Variants in MOBP observed in about 807,000 individuals in gnomAD.
MOBP encodes the protein myelin associated oligodendrocyte basic protein.
A neutral mutation model predicts 15.0 loss-of-function variants in MOBP; 5 were observed. That is an observed-to-expected ratio of 0.33 (90% confidence interval 0.17 to 0.70). The LOEUF (loss-of-function observed/expected upper bound fraction) is 0.70. Ranked by LOEUF, MOBP falls within the 30% of genes least tolerant of loss-of-function variation. The pLI, the probability that MOBP is intolerant of heterozygous loss-of-function variation, is 0.67. For missense variants in MOBP, 188 were observed against 257.8 expected, an observed-to-expected ratio of 0.73 and a Z score of 1.85; for synonymous variants, 88 against 99.0, an observed-to-expected ratio of 0.89 and a Z score of 0.66.
intron 2 of MOBP, among the ~76,000 whole-genome samples, chr3:39,489,692 C>CCCA (rs556763584): frequency 0.012 from 1,861 of 151,554 alleles, 23 homozygotes; most frequent in Non-Finnish European, 0.02. Flanking sequence ...TTGTTCCCCG[C>CCCA]CCAGCTCCTG....
At chr3:39,474,243 A>G (rs1482740408) in intron 1 of MOBP, among the ~76,000 whole-genome samples, 1 of 152,224 alleles carries the variant, frequency 6.6e-6, no homozygotes, top group African/African-American at 2.4e-5. Context: ...CACTGACTCA[A>G]ATTACTCAAA....
intron 1 of MOBP, among the ~76,000 whole-genome samples, chr3:39,478,667 A>G (rs2042577293): frequency 6.6e-6 from 1 of 152,152 alleles, no homozygotes; most frequent in African/African-American, 2.4e-5. Flanking sequence ...GTGGGGTTTA[A>G]CTGCTTTGCT....
intron 2 of MOBP, among the ~76,000 whole-genome samples, chr3:39,482,189 AC>A (rs1350388401): frequency 6.6e-6 from 1 of 151,998 alleles, no homozygotes; most frequent in Non-Finnish European, 1.5e-5. Context: ...CCTTGGATAT[AC>A]CCTTGACTCC....
intron 1 of MOBP, among the ~76,000 whole-genome samples, chr3:39,471,751 A>C (rs1400829837): frequency 1.3e-5 from 2 of 152,138 alleles, no homozygotes; most frequent in African/African-American, 4.8e-5. Context: ...ACCTGCTACA[A>C]TGGCCCAGTG....
intron 2 of MOBP, among the ~76,000 whole-genome samples, chr3:39,496,190 C>A (rs1196261413): frequency 7.5e-6 from 1 of 133,294 alleles, no homozygotes; most frequent in Non-Finnish European, 1.5e-5. Context: ...TTTTCTTTTT[C>A]TTTTTTTTCT....
intron 2 of MOBP, among the ~76,000 whole-genome samples, chr3:39,488,493 T>C (rs1035801074): frequency 6.6e-6 from 1 of 152,294 alleles, no homozygotes; most frequent in African/African-American, 2.4e-5. Flanking sequence ...CATTGTTAGG[T>C]TTCTTTTCTT....
At chr3:39,513,236 A>ATTAAGAAATTAAAGAGAAATTAAT in intron 4 of MOBP, 2 of 604,424 alleles carry the variant, frequency 3.3e-6, no homozygotes, top group Non-Finnish European at 5.4e-6. Context: ...GACTACCAGA[A>ATTAAGAAATTAAAGAGAAATTAAT]TTAAGAAATT....
chr3:39,508,642 TGG>T (rs2043078974), intron 4 of MOBP, among the ~76,000 whole-genome samples: 1 of 151,772 alleles, frequency 6.6e-6, no homozygotes, highest in Non-Finnish European at 1.5e-5. Flanking sequence ...CTCTGCCTTC[TGG>T]GTTCAAGTGA....
Position 39,502,902 on chromosome 3 carries a change from C to A in MOBP, c.*22C>A. On this transcript the variant is annotated 3_prime_UTR_variant, in exon 4 of 4. Coordinates refer to ENST00000684792, the MANE Select transcript of MOBP (RefSeq NM_001393704.1). This position sits in a 1 kb window ranked among gnomAD's most constrained non-coding sequence, Gnocchi z 6.3. Reference sequence around the variant, plus strand: ...GTAACACCATCTCTTCCCTTTTGTTCCCCAGCCCTAAGGTTAGTAGTTGCT... The same window carrying A: ...GTAACACCATCTCTTCCCTTTTGTTACCCAGCCCTAAGGTTAGTAGTTGCT... 1.9e-6 allele frequency: 2 copies of A among 1,068,822 alleles called. No individual in the cohort carries two copies. The highest frequency in any genetic ancestry group is 1.3e-6 in the Non-Finnish European group (1 of 755,802). The allele number at this position is 1,068,822 out of a possible 1,614,324, so 66.2% of individuals were successfully genotyped here.
At chr3:39,504,365 C>T (rs1380277254), downstream of MOBP, among the ~76,000 whole-genome samples, 1 of 152,192 alleles carries the variant, frequency 6.6e-6, no homozygotes, top group African/African-American at 2.4e-5. Flanking sequence ...GGCTGGAGTT[C>T]AATCAGGACA....
At chr3:39,514,162 A>C (rs754077799) in exon 5 of MOBP, 1 of 152,262 alleles carries the variant, frequency 6.6e-6, no homozygotes, top group East Asian at 1.9e-4. Flanking sequence ...CCAACCTTAC[A>C]TGAGGCTTTT....
chr3:39,521,068 G>A (rs1452656914), intron 3 of MOBP, among the ~76,000 whole-genome samples: 1 of 151,836 alleles, frequency 6.6e-6, no homozygotes, highest in Non-Finnish European at 1.5e-5. Flanking sequence ...TCATGCCTCA[G>A]CTCCCGAGGA....
At chr3:39,506,344 G>A (rs114932795), downstream of MOBP, among the ~76,000 whole-genome samples, 687 of 152,058 alleles carry the variant, frequency 4.5e-3, 6 homozygotes, top group African/African-American at 0.015. Flanking sequence ...TAGCACCCCC[G>A]CCCCTGGAAT....
chr3:39,493,176 G>C (rs1279402393), intron 2 of MOBP, among the ~76,000 whole-genome samples: 1 of 152,058 alleles, frequency 6.6e-6, no homozygotes, highest in African/African-American at 2.4e-5. Flanking sequence ...GGGAAGAAGG[G>C]CAAAAAATCC....
chr3:39,516,062 A>G (rs904635519), downstream of MOBP: 5 of 152,202 alleles, frequency 3.3e-5, no homozygotes, highest in African/African-American at 1.2e-4. Context: ...GATATTTTTA[A>G]GAAGTCAAAG....
intron 4 of MOBP, among the ~76,000 whole-genome samples, chr3:39,512,957 T>C (rs2043138854): frequency 6.6e-6 from 1 of 152,224 alleles, no homozygotes. Flanking sequence ...CTCATCAAAG[T>C]GGAAACATGT....
intron 1 of MOBP, among the ~76,000 whole-genome samples, chr3:39,474,242 A>G (rs1183177382): frequency 6.6e-6 from 1 of 152,228 alleles, no homozygotes; most frequent in Non-Finnish European, 1.5e-5. Context: ...ACACTGACTC[A>G]AATTACTCAA....
chr3:39,511,320 C>G (rs774823429), intron 4 of MOBP, among the ~76,000 whole-genome samples: 12 of 152,200 alleles, frequency 7.9e-5, no homozygotes, highest in Admixed American at 6.5e-4. Flanking sequence ...TCTTCTCAAA[C>G]CCTACATGGC....
chr3:39,491,539 G>A (rs1206108589), intron 2 of MOBP, among the ~76,000 whole-genome samples: 1 of 132,330 alleles, frequency 7.6e-6, no homozygotes, highest in East Asian at 2.1e-4. Context: ...AATATATTTT[G>A]GGTTTTTGTA....
Sources: allele counts gnomAD v4.1 joint callset (sites outside exome capture counted in the v4.1 genomes callset), GRCh38; gene constraint gnomAD v4.1.1; non-coding constraint Gnocchi (gnomAD v3.1); transcripts MANE v1.5; gene names NCBI Gene and HGNC (gene_info 2026-07-23, HGNC 2026-07-21).